The following DDX10 variants were observed in gnomAD, a reference collection of about 807,000 sequenced individuals.
DDX10 encodes the protein DEAD-box helicase 10, also known as probable ATP-dependent RNA helicase DDX10.
In DDX10, 74 loss-of-function variants were observed where a neutral mutation model predicts 104.3. That is an observed-to-expected ratio of 0.71 (90% confidence interval 0.59 to 0.86). The LOEUF is 0.86. DDX10 is among the 40% of genes least tolerant of loss of function. The probability of loss-of-function intolerance (pLI) is 0.00; values close to 1 mark genes in which losing one functional copy is unlikely to be tolerated. For synonymous variants in DDX10, 351 were observed against 353.4 expected, an observed-to-expected ratio of 0.99 and a Z score of 0.08; for missense variants, 952 against 1,040.0, an observed-to-expected ratio of 0.92 and a Z score of 1.16.
rs554490427 is a variant in DDX10, at chr11:108,855,996, T to C, written c.2304+3787T>C. On this transcript the variant is annotated intron_variant, in intron 16 of 17. Transcript: ENST00000322536. The stretch of plus-strand genomic sequence containing the variant: ...TGTTTTTATTTTTTGGTTTGTACTG[T>C]GTTTTTATTTATACTTAACAAATAG... Among the ~76,000 whole-genome samples, 11 of 152,364 alleles carry C rather than the reference T, an allele frequency of 7.2e-5. No individual in the cohort carries two copies. In the South Asian group the frequency reaches 2.3e-3, roughly 32 times the overall value.
intron 1 of DDX10, 85 bp from the exon 2 acceptor site, chr11:108,673,382 A>T (rs1211251886): frequency 1.2e-6 from 1 of 850,424 alleles, no homozygotes; most frequent in African/African-American, 1.7e-5. Context: ...ATTACCAAGG[A>T]TGAGCTGGGC....
intron 15 of DDX10, among the ~76,000 whole-genome samples, chr11:108,848,377 A>G (rs937275645): frequency 6.6e-6 from 1 of 152,176 alleles, no homozygotes; most frequent in Non-Finnish European, 1.5e-5. Flanking sequence ...TCTTGAGGAC[A>G]AGGGACTCAG....
At chr11:108,782,375 A>G (rs1861717826) in intron 13 of DDX10, among the ~76,000 whole-genome samples, 1 of 152,074 alleles carries the variant, frequency 6.6e-6, no homozygotes, top group African/African-American at 2.4e-5. Flanking sequence ...AATCCCTATG[A>G]TAGGTTTTCC....
At chr11:108,678,600 G>A (rs1218436271) in intron 5 of DDX10, among the ~76,000 whole-genome samples, 165 bp downstream of exon 5, 1 of 151,992 alleles carries the variant, frequency 6.6e-6, no homozygotes. Context: ...AACCCAGAAA[G>A]TAAAAGTAGA....
intron 11 of DDX10, among the ~76,000 whole-genome samples, chr11:108,716,169 C>T (rs892603177): frequency 6.6e-6 from 1 of 152,042 alleles, no homozygotes; most frequent in Admixed American, 6.5e-5. Flanking sequence ...GATCTCAGCT[C>T]ACTACAACCT....
intron 13 of DDX10, among the ~76,000 whole-genome samples, chr11:108,760,543 G>A (rs953009790): frequency 6.6e-6 from 1 of 151,886 alleles, no homozygotes; most frequent in Non-Finnish European, 1.5e-5. Flanking sequence ...TTTTATTTGG[G>A]CAACTTAGGG....
chr11:108,916,736 G>T (rs1361408757), intron 16 of DDX10, among the ~76,000 whole-genome samples: 2 of 152,086 alleles, frequency 1.3e-5, no homozygotes, highest in East Asian at 3.9e-4. Flanking sequence ...GCTTGTTTCG[G>T]TTTATCTGGT....
intron 13 of DDX10, among the ~76,000 whole-genome samples, chr11:108,809,405 A>T (rs1049460226): frequency 6.6e-6 from 1 of 152,212 alleles, no homozygotes; most frequent in African/African-American, 2.4e-5. Context: ...ACGTATCCTT[A>T]CAGTGAAAAC....
At chr11:108,798,436 ACT>A (rs1272815471) in intron 13 of DDX10, among the ~76,000 whole-genome samples, 1 of 152,100 alleles carries the variant, frequency 6.6e-6, no homozygotes, top group Non-Finnish European at 1.5e-5. Flanking sequence ...TTAAACAGTA[ACT>A]CTGTAATTCC....
At chr11:108,718,787 C>T (rs563643795) in intron 11 of DDX10, among the ~76,000 whole-genome samples, 1 of 152,040 alleles carries the variant, frequency 6.6e-6, no homozygotes, top group Non-Finnish European at 1.5e-5. Context: ...CTGGATAGAA[C>T]AAAAGTGATA....
At chr11:108,672,826 A>C (rs1247549140) in intron 1 of DDX10, among the ~76,000 whole-genome samples, 1 of 152,236 alleles carries the variant, frequency 6.6e-6, no homozygotes, top group Non-Finnish European at 1.5e-5. Flanking sequence ...GAACATCAGT[A>C]ATGAATATTT....
intron 6 of DDX10, among the ~76,000 whole-genome samples, chr11:108,684,227 A>G (rs1310964836): frequency 4.1e-5 from 5 of 121,618 alleles, no homozygotes; most frequent in Non-Finnish European, 6.4e-5. Flanking sequence ...GTTTTAGGGT[A>G]CATGTGCACA....
At chr11:108,893,582 T>A (rs143873509) in intron 16 of DDX10, among the ~76,000 whole-genome samples, 1 of 151,644 alleles carries the variant, frequency 6.6e-6, no homozygotes, top group Non-Finnish European at 1.5e-5. Context: ...ATTTTCCTTA[T>A]TTTTTTGGAG....
rs571571516 is a variant in DDX10 at position 108,806,460 on chromosome 11, C to A, written c.1966-31986C>A. Among the ~76,000 whole-genome samples the A allele has an allele frequency of 7.2e-5, 11 of 152,260 alleles. No homozygotes were observed. In the South Asian group the frequency reaches 2.3e-3, roughly 32 times the overall value. ...CGTTCAGGTAGTGAACGACATTGAGCTTTTATTATGTGCCAGACCCTCTGC... is the reference window on the plus strand; with the variant it reads ...CGTTCAGGTAGTGAACGACATTGAGATTTTATTATGTGCCAGACCCTCTGC... On this transcript the variant is annotated intron_variant, in intron 13 of 17. Transcript: ENST00000322536.
chr11:108,772,210 A>T (rs2094364162), intron 13 of DDX10, among the ~76,000 whole-genome samples: 1 of 152,242 alleles, frequency 6.6e-6, no homozygotes, highest in South Asian at 2.1e-4. Flanking sequence ...CCTGCAAGAG[A>T]TACACCCATG....
At chr11:108,824,467 TA>T (rs1862369268) in intron 13 of DDX10, among the ~76,000 whole-genome samples, 1 of 152,172 alleles carries the variant, frequency 6.6e-6, no homozygotes, top group Admixed American at 6.5e-5. Flanking sequence ...TTTTTATTTT[TA>T]TTTTTTTGCT....
At chr11:108,680,038 C>T (rs1022878614) in intron 6 of DDX10, among the ~76,000 whole-genome samples, 31 of 152,232 alleles carry the variant, frequency 2.0e-4, no homozygotes, top group Middle Eastern at 6.8e-3. Context: ...TTATGCAGTA[C>T]TAATGTGTTA....
chr11:108,788,912 C>T (rs1861832786), intron 13 of DDX10, among the ~76,000 whole-genome samples: 1 of 152,114 alleles, frequency 6.6e-6, no homozygotes, highest in Non-Finnish European at 1.5e-5. Context: ...ATGAAGGAGC[C>T]CTGTCCAGTC....
intron 13 of DDX10, among the ~76,000 whole-genome samples, chr11:108,741,203 G>T (rs564880304): frequency 4.6e-5 from 7 of 151,842 alleles, no homozygotes; most frequent in South Asian, 2.1e-4. Flanking sequence ...TTTGGTTACT[G>T]TAGCCTTGTA....
Sources: gnomAD v4.1 joint callset for allele counts (sites outside exome capture counted in the v4.1 genomes callset) on GRCh38, gnomAD v4.1.1 for gene constraint, MANE v1.5 for transcripts, NCBI Gene and HGNC (gene_info 2026-07-23, HGNC 2026-07-21) for gene names.